The following EYS variants were observed in gnomAD, a reference collection of about 807,000 sequenced individuals.
EYS encodes EGF-like photoreceptor maintenance factor.
A neutral mutation model predicts 282.1 loss-of-function variants in EYS; 250 were observed. That is an observed-to-expected ratio of 0.89 (90% CI 0.80 to 0.98). EYS has a LOEUF of 0.98. Among genes scored for constraint, EYS ranks in the 50% least tolerant of loss-of-function variants. The pLI is 0.00. For missense variants in EYS, 4,016 were observed against 3,709.0 expected (o/e 1.08, Z -2.15); for synonymous variants, 1,355 against 1,282.9 (o/e 1.06, Z -1.20).
chr6:64,150,813 G>T (rs1419661480), intron 31 of EYS, among the ~76,000 whole-genome samples: 1 of 152,090 alleles, frequency 6.6e-6, no homozygotes, highest in Non-Finnish European at 1.5e-5. Context: ...TCGATGTCAA[G>T]AAAATGGAAG....
intron 31 of EYS, among the ~76,000 whole-genome samples, chr6:64,103,388 C>G (rs1772900139): frequency 6.6e-6 from 1 of 151,834 alleles, no homozygotes; most frequent in Admixed American, 6.6e-5. Context: ...AGAAGTAGAC[C>G]CTTAATTCAC....
intron 11 of EYS, 134 bp from the exon 12 acceptor site, chr6:65,296,253 A>T: frequency 1.0e-6 from 1 of 990,344 alleles, no homozygotes; most frequent in South Asian, 2.0e-5. Context: ...TGCATTTAAA[A>T]AATATTTTCA....
chr6:65,576,461 T>C (rs922617599), intron 2 of EYS, among the ~76,000 whole-genome samples: 1 of 151,992 alleles, frequency 6.6e-6, no homozygotes, highest in African/African-American at 2.4e-5. Flanking sequence ...GAAAAGCCCA[T>C]AGCTAACATT....
rs1413573357 is a variant in EYS, at chr6:65,495,185, G to C, written c.226C>G (p.Gln76Glu). Residue 76 changes from glutamine (Q) to glutamate (E), a missense_variant, in exon 4 of 43, where the codon CAG becomes GAG. Gln to Glu is a conservative substitution (Grantham distance 29). Coordinates refer to ENST00000503581, the MANE Select transcript of EYS (RefSeq NM_001142800.2). ...IDTSGNQAVP[Q>E]ICPLQIQLGD... Reference sequence around the variant, plus strand: ...AATTGAATTTGCAAAGGGCAAATCTGGGGAACAGCTTGATTGCCTGAAGTA... The same window carrying C: ...AATTGAATTTGCAAAGGGCAAATCTCGGGAACAGCTTGATTGCCTGAAGTA... 3 of 1,614,070 alleles carry C rather than the reference G, an allele frequency of 1.9e-6. No homozygotes were observed. In the South Asian group the frequency reaches 3.3e-5, roughly 18 times the overall value.
At chr6:65,692,915 CA>C (rs1183328648) in intron 1 of EYS, among the ~76,000 whole-genome samples, 6 of 150,000 alleles carry the variant, frequency 4.0e-5, no homozygotes, top group African/African-American at 1.5e-4. Flanking sequence ...ATAATAACTG[CA>C]CCATTACATT....
At chr6:64,764,978 C>T (rs957147735) in intron 22 of EYS, among the ~76,000 whole-genome samples, 6 of 152,168 alleles carry the variant, frequency 3.9e-5, no homozygotes, top group African/African-American at 7.2e-5. Flanking sequence ...CTCAGATGTA[C>T]CACCTACCTT....
At chr6:64,280,808 T>G (rs973038714) in intron 30 of EYS, among the ~76,000 whole-genome samples, 1 of 152,170 alleles carries the variant, frequency 6.6e-6, no homozygotes, top group African/African-American at 2.4e-5. Context: ...GGTTTATTGA[T>G]GAAGGCTTAA....
chr6:64,511,536 TG>T (rs1271063441), intron 26 of EYS, among the ~76,000 whole-genome samples: 1 of 151,972 alleles, frequency 6.6e-6, no homozygotes, highest in Admixed American at 6.6e-5. Context: ...ATACTATCAC[TG>T]TGTGGTTTGG....
At chr6:64,690,745 C>A (rs542542206) in intron 22 of EYS, among the ~76,000 whole-genome samples, 1 of 151,994 alleles carries the variant, frequency 6.6e-6, no homozygotes, top group Non-Finnish European at 1.5e-5. Flanking sequence ...AACCAAACAC[C>A]GCATGTTCAC....
chr6:64,440,284 G>A (rs1320018650), intron 26 of EYS, among the ~76,000 whole-genome samples: 1 of 151,864 alleles, frequency 6.6e-6, no homozygotes, highest in East Asian at 1.9e-4. Context: ...TCCTATGTGT[G>A]CTGTCTTTAT....
In EYS at chr6:64,665,462, T is replaced by C. The variant is rs1769195171; in HGVS notation, c.3444-39217A>G. Reference sequence around the variant, plus strand: ...TATGTTTTAGGTTCCAGGTTTTGTATAAAATTTTAACTTGGAGAAACAGCC... The same window carrying C: ...TATGTTTTAGGTTCCAGGTTTTGTACAAAATTTTAACTTGGAGAAACAGCC... On this transcript the variant is annotated intron_variant, in intron 22 of 42. Coordinates refer to ENST00000503581, the MANE Select transcript of EYS (RefSeq NM_001142800.2). Among the ~76,000 whole-genome samples, 4 of 152,252 alleles carry C rather than the reference T, an allele frequency of 2.6e-5. No individual in the cohort carries two copies. The South Asian group carries it at 8.3e-4, about 32-fold the overall frequency.
chr6:64,112,537 C>T (rs1318185162), intron 31 of EYS, among the ~76,000 whole-genome samples: 3 of 151,590 alleles, frequency 2.0e-5, no homozygotes, highest in Non-Finnish European at 4.4e-5. Context: ...ACATACCCAC[C>T]ATCTCAAATA....
intron 30 of EYS, among the ~76,000 whole-genome samples, chr6:64,276,951 G>A (rs1342390503): frequency 1.3e-5 from 2 of 152,078 alleles, no homozygotes; most frequent in Admixed American, 6.6e-5. Flanking sequence ...AAAAAATTTA[G>A]TGCTCATGAA....
intron 35 of EYS, among the ~76,000 whole-genome samples, chr6:63,875,804 GATCGGTGGTGAT>G (rs1251974357): frequency 6.6e-6 from 1 of 152,156 alleles, no homozygotes; most frequent in Non-Finnish European, 1.5e-5. Flanking sequence ...ATTTCCATGG[GATCGGTGGTGAT>G]ATCCCCTTTA....
At chr6:65,593,474 C>T (rs192939850) in intron 2 of EYS, among the ~76,000 whole-genome samples, 2 of 152,064 alleles carry the variant, frequency 1.3e-5, no homozygotes, top group African/African-American at 4.8e-5. Flanking sequence ...TTAGAATCAC[C>T]TTGAAATAGT....
intron 5 of EYS, among the ~76,000 whole-genome samples, chr6:65,407,783 G>A (rs1173343781): frequency 7.4e-6 from 1 of 134,390 alleles, no homozygotes; most frequent in Non-Finnish European, 1.6e-5. Flanking sequence ...GTGTGTGTGT[G>A]TGTATGTCTA....
intron 14 of EYS, among the ~76,000 whole-genome samples, chr6:64,959,982 G>A (rs1337516231): frequency 6.6e-6 from 1 of 150,544 alleles, no homozygotes; most frequent in Non-Finnish European, 1.5e-5. Context: ...AAAACTTGCA[G>A]AGAGAAATTT....
intron 12 of EYS, among the ~76,000 whole-genome samples, chr6:65,272,052 G>A (rs1767920934): frequency 6.6e-6 from 1 of 152,166 alleles, no homozygotes; most frequent in South Asian, 2.1e-4. Flanking sequence ...GCTTAAACTG[G>A]TAATTCAAAT....
chr6:64,006,035 A>T (rs1439741655), intron 33 of EYS, among the ~76,000 whole-genome samples: 3 of 152,242 alleles, frequency 2.0e-5, no homozygotes, highest in African/African-American at 7.2e-5. Flanking sequence ...TAGAAATAGA[A>T]TTGAATCTGT....
Sources: allele counts gnomAD v4.1 joint callset (sites outside exome capture counted in the v4.1 genomes callset), GRCh38; gene constraint gnomAD v4.1.1; transcripts MANE v1.5; gene names NCBI Gene and HGNC (gene_info 2026-07-23, HGNC 2026-07-21).